The following CDH13 variants were observed in gnomAD, a reference collection of about 807,000 sequenced individuals.
CDH13 encodes cadherin-13.
Under a neutral mutation model 63.8 loss-of-function variants are expected in CDH13, and 24 were observed. That is an observed-to-expected ratio of 0.38 (90% CI 0.27 to 0.53). The LOEUF (loss-of-function observed/expected upper bound fraction) is 0.53. Among genes scored for constraint, CDH13 ranks in the 20% least tolerant of loss-of-function variants. The probability of loss-of-function intolerance (pLI) is 0.85; values close to 1 mark genes in which losing one functional copy is unlikely to be tolerated. For synonymous variants in CDH13, 503 were observed against 355.3 expected, an observed-to-expected ratio of 1.42 and a Z score of -4.67; for missense variants, 1,049 against 903.1, an observed-to-expected ratio of 1.16 and a Z score of -2.07.
intron 1 of CDH13, among the ~76,000 whole-genome samples, chr16:82,705,443 A>G (rs1004258546): frequency 2.6e-5 from 4 of 152,224 alleles, no homozygotes; most frequent in Non-Finnish European, 5.9e-5. Flanking sequence ...CCGGGATCCT[A>G]GAAATTAGCT....
chr16:82,665,235 C>G (rs7198791), intron 1 of CDH13, among the ~76,000 whole-genome samples: 116,673 of 152,076 alleles, frequency 0.77, 44,923 homozygotes, highest in East Asian at 0.93. Flanking sequence ...CCCAAGTGGA[C>G]TGCAGAGTGC....
At chr16:83,049,412 G>A (rs1384475084) in intron 3 of CDH13, among the ~76,000 whole-genome samples, 1 of 137,474 alleles carries the variant, frequency 7.3e-6, no homozygotes, top group East Asian at 2.2e-4. Flanking sequence ...TCTATTCACT[G>A]CAAGCTCCAC....
chr16:83,006,904 TTTTGTTTGTTTG>T (rs977914662), intron 2 of CDH13, among the ~76,000 whole-genome samples: 1 of 142,026 alleles, frequency 7.0e-6, no homozygotes, highest in Non-Finnish European at 1.6e-5. Flanking sequence ...TTTTGATTTT[TTTTGTTTGTTTG>T]TTTGTTTGTT....
At chr16:82,823,795 T>G (rs1273131753) in intron 1 of CDH13, 1 of 152,174 alleles carries the variant, frequency 6.6e-6, no homozygotes, top group Non-Finnish European at 1.5e-5. Context: ...GATGCAGATA[T>G]AAGACCAGCG....
intron 3 of CDH13, among the ~76,000 whole-genome samples, chr16:83,052,801 A>AAAAAAAAAAAG (rs1555571697): frequency 8.2e-5 from 10 of 122,674 alleles, no homozygotes; most frequent in African/African-American, 3.0e-4. Context: ...AAAAAAAAAA[A>AAAAAAAAAAAG]AAAGAAAGAA....
intron 7 of CDH13, among the ~76,000 whole-genome samples, chr16:83,555,535 C>T (rs1180076858): frequency 6.6e-6 from 1 of 152,156 alleles, no homozygotes; most frequent in African/African-American, 2.4e-5. Flanking sequence ...TTTATGTGAG[C>T]ACTTAGTTGA....
intron 2 of CDH13, among the ~76,000 whole-genome samples, chr16:82,905,425 A>G (rs2041610329): frequency 7.1e-6 from 1 of 141,008 alleles, no homozygotes; most frequent in African/African-American, 2.7e-5. Flanking sequence ...TTATACCATG[A>G]ATCACACGTG....
chr16:83,786,825 T>C (rs923293470), intron 13 of CDH13, among the ~76,000 whole-genome samples: 2 of 152,142 alleles, frequency 1.3e-5, no homozygotes, highest in African/African-American at 4.8e-5. Context: ...TGACCTCAGG[T>C]AATCTGCCTG....
chr16:83,250,637 G>T (rs572255216), intron 5 of CDH13, among the ~76,000 whole-genome samples: 206 of 152,298 alleles, frequency 1.4e-3, no homozygotes, highest in Admixed American at 3.3e-3. Flanking sequence ...GAAATAGAGA[G>T]TTGGTCGTGG....
In CDH13 at chr16:83,173,251, C is replaced by T. The variant is rs558205189; in HGVS notation, c.484-44094C>T. Among the ~76,000 whole-genome samples, 3 of 152,228 alleles carry T rather than the reference C, an allele frequency of 2.0e-5. No individual in the cohort carries two copies. The East Asian group carries it at 5.8e-4, about 29-fold the overall frequency. On this transcript the variant is annotated intron_variant, in intron 4 of 13. Transcript: ENST00000567109. ...TGTGAATCCAGCGTTTGAACTCAGG[C>T]AGTCTGACCCTGGGGGTGACATTTA...
chr16:83,222,883 A>G (rs1366304162), intron 5 of CDH13, among the ~76,000 whole-genome samples: 3 of 152,138 alleles, frequency 2.0e-5, no homozygotes, highest in Non-Finnish European at 4.4e-5. Flanking sequence ...CAACAGTGGC[A>G]CTATTGAAAT....
At chr16:83,393,098 A>C (rs1222752546) in intron 6 of CDH13, among the ~76,000 whole-genome samples, 1 of 152,146 alleles carries the variant, frequency 6.6e-6, no homozygotes, top group Admixed American at 6.5e-5. Context: ...TTAAAGCAAA[A>C]ACAAAGTGTC....
At chr16:82,666,106 A>C (rs1014204037) in intron 1 of CDH13, among the ~76,000 whole-genome samples, 27 of 152,156 alleles carry the variant, frequency 1.8e-4, no homozygotes, top group African/African-American at 5.8e-4. Flanking sequence ...AGTTAATGGC[A>C]TCCCTCTCTG....
chr16:83,099,552 A>G (rs1036835328), intron 3 of CDH13, among the ~76,000 whole-genome samples: 2 of 132,566 alleles, frequency 1.5e-5, no homozygotes, highest in Admixed American at 8.2e-5. Context: ...TCGAAGTCCT[A>G]ACCTCATGTG....
intron 6 of CDH13, among the ~76,000 whole-genome samples, chr16:83,406,155 C>A (rs1221489740): frequency 1.3e-5 from 2 of 152,190 alleles, no homozygotes; most frequent in Non-Finnish European, 2.9e-5. Context: ...AATGCCCAGG[C>A]CCCTGTCTAT....
intron 4 of CDH13, among the ~76,000 whole-genome samples, chr16:83,172,789 TA>T (rs1178197892): frequency 6.6e-6 from 1 of 151,728 alleles, no homozygotes; most frequent in East Asian, 1.9e-4. Context: ...AAACAAACAA[TA>T]AAAAAAGAAA....
intron 2 of CDH13, chr16:82,925,994 G>C (rs1219534085): frequency 2.6e-5 from 4 of 151,976 alleles, no homozygotes. Flanking sequence ...ATCAACACAG[G>C]ATAACCAGCA....
At position 82,864,795 on chromosome 16, in the gene CDH13, C is replaced by G. The variant is rs186675770; in HGVS notation, c.157+6322C>G. On this transcript the variant is annotated intron_variant, in intron 2 of 13. Transcript: ENST00000567109. ...CACATTCTCAACAGTTCCCGAAAGT[C>G]TTAATTCATTCTGGCATTAACCCAA... Among the ~76,000 whole-genome samples the G allele has an allele frequency of 4.0e-4, 61 of 152,296 alleles. 1 individual carries two copies. The highest frequency in any genetic ancestry group is 7.2e-4 in the Non-Finnish European group (49 of 68,034).
chr16:83,404,758 C>A lies in CDH13; in HGVS notation c.781+59752C>A, dbSNP rs193183257. 1.1e-3 allele frequency among the ~76,000 whole-genome samples: 172 copies of A among 152,268 alleles called. 1 individual carries two copies. Among genetic ancestry groups the A allele is most frequent in the African/African-American group, 3.9e-3 (163 of 41,552 alleles). On this transcript the variant is annotated intron_variant, in intron 6 of 13. Transcript: ENST00000567109. ...TGTGTTAAGAAACAAACATGTATAT[C>A]CTTTTGTGCTGTGTTTTGTAGAAGT... is the stretch of plus-strand genomic sequence containing the variant.
Sources: gnomAD v4.1 joint callset for allele counts (sites outside exome capture counted in the v4.1 genomes callset) on GRCh38, gnomAD v4.1.1 for gene constraint, MANE v1.5 for transcripts, NCBI Gene and HGNC (gene_info 2026-07-23, HGNC 2026-07-21) for gene names.